ZNF165: variants seen among roughly 807,000 people sequenced by gnomAD.
The protein encoded by ZNF165 is cancer/testis antigen 53.
In ZNF165, 14 loss-of-function variants were observed where a neutral mutation model predicts 19.6. The observed-to-expected ratio is 0.71, with a 90% CI of 0.47 to 1.12. ZNF165 has a LOEUF of 1.12. ZNF165 is among the 50% of genes most tolerant of loss of function. The pLI is 0.00. For missense variants in ZNF165, 504 were observed against 566.3 expected, an observed-to-expected ratio of 0.89 and a Z score of 1.12; for synonymous variants, 165 against 195.0, an observed-to-expected ratio of 0.85 and a Z score of 1.28.
In ZNF165 at chr6:28,089,379, A is replaced by G; in HGVS notation, c.1367A>G (p.Tyr456Cys). 2 of 1,614,216 alleles carry G rather than the reference A, an allele frequency of 1.2e-6. No individual in the cohort carries two copies. Among genetic ancestry groups the G allele is most frequent in the Non-Finnish European group, 1.7e-6 (2 of 1,180,032 alleles). The change falls in exon 4 of 4, where the codon TAT (tyrosine) becomes TGT (cysteine). Residue 456 changes from tyrosine to cysteine, a missense_variant. Coordinates refer to ENST00000683778, the MANE Select transcript of ZNF165 (RefSeq NM_001376491.1). Reference protein sequence around the residue: ...HFRIHTGEKPYECSECGRAFS... With the variant: ...HFRIHTGEKPCECSECGRAFS... ...AGAATTCACACTGGAGAAAAACCCTATGAATGCAGTGAGTGTGGAAGAGCC... is the reference window on the plus strand; with the variant it reads ...AGAATTCACACTGGAGAAAAACCCTGTGAATGCAGTGAGTGTGGAAGAGCC...
chr6:28,087,584 G>T (rs1764306549), intron 3 of ZNF165, among the ~76,000 whole-genome samples: 1 of 152,122 alleles, frequency 6.6e-6, no homozygotes, highest in Non-Finnish European at 1.5e-5. Context: ...TCTGCCTTCA[G>T]TTTTGTTCTG....
At chr6:28,086,724 AAGAG>A (rs891116269) in intron 3 of ZNF165, among the ~76,000 whole-genome samples, 4 of 152,126 alleles carry the variant, frequency 2.6e-5, no homozygotes, top group African/African-American at 7.2e-5. Flanking sequence ...GGAAAAAAAA[AAGAG>A]AGAGAGAACT....
In ZNF165 at chr6:28,085,799, G is replaced by T; in HGVS notation, c.319G>T (p.Ala107Ser). ...GACCATCCTGCCAGGAGATTTGCAG[G>T]CCTGGGTACATGAACATTACCCAGA... ...FLTILPGDLQ[A>S]WVHEHYPESG... Residue 107 changes from alanine (A) to serine (S), a missense_variant, in exon 2 of 4, where the codon GCC becomes TCC. Ala to Ser is a moderately conservative substitution (Grantham distance 99). Coordinates refer to ENST00000683778, the MANE Select transcript of ZNF165 (RefSeq NM_001376491.1). 1 of 1,613,804 alleles carries T rather than the reference G, an allele frequency of 6.2e-7. No individual in the cohort carries two copies. The highest frequency in any genetic ancestry group is 8.5e-7 in the Non-Finnish European group (1 of 1,180,034).
At chr6:28,085,978 G>C in intron 2 of ZNF165, 87 bp downstream of exon 2, 12 of 1,550,406 alleles carry the variant, frequency 7.7e-6, no homozygotes, top group Non-Finnish European at 1.0e-5. Context: ...TATCTAGCTT[G>C]CAGGAGCTGT....
chr6:28,083,224 T>A (rs1017693150), intron 1 of ZNF165, among the ~76,000 whole-genome samples: 3 of 152,228 alleles, frequency 2.0e-5, no homozygotes, highest in Non-Finnish European at 2.9e-5. Context: ...TTTCTCATCC[T>A]TTATTGTCCA....
At position 28,089,125 on chromosome 6, in the gene ZNF165, C is replaced by T. The variant is rs776448298; in HGVS notation, c.1113C>T (p.Cys371=). Residue 371 remains cysteine, a synonymous_variant, in exon 4 of 4, where the codon TGC becomes TGT. Transcript: ENST00000683778. ...RHQRIHTGER[C]YECNECGKSF... The stretch of plus-strand genomic sequence containing the variant: ...AGAGAATCCACACTGGAGAGAGATG[C>T]TATGAATGTAATGAATGTGGGAAAA... 9.9e-6 allele frequency: 16 copies of T among 1,614,016 alleles called. No homozygotes were observed. In the African/African-American group the frequency reaches 2.0e-4, roughly 20 times the overall value.
Position 28,088,828 on chromosome 6 carries a change from C to T in ZNF165, c.816C>T (p.His272=), listed in dbSNP as rs768703942. 3.0e-5 allele frequency: 48 copies of T among 1,614,032 alleles called. No homozygotes were observed. The highest frequency in any genetic ancestry group is 3.9e-5 in the Non-Finnish European group (46 of 1,180,042). ...CAGTCAGAGGTGAAATAATAAGCCA[C>T]GATGGATGTGAGAGGAGATTAAATC... ...KNTVRGEIIS[H]DGCERRLNLN... Residue 272 remains histidine (H), a synonymous_variant, in exon 4 of 4, where the codon CAC becomes CAT. Transcript: ENST00000683778.
At position 28,080,677 on chromosome 6, in the gene ZNF165, GCCACC is replaced by G. The variant is rs1764130754; in HGVS notation, c.-293_-289del. 6.6e-6 allele frequency: 1 copy of G among 151,864 alleles called. No homozygotes were observed. The highest frequency in any genetic ancestry group is 2.4e-5 in the African/African-American group (1 of 41,238). 9.4% of individuals were successfully genotyped at this position (151,864 alleles called of 1,614,324 possible). ...CAAAGTGCTGGGACTGCAGGCGTGA[GCCACC>G]GCGCCCGGCCAACGTCATTTTCTTT... On this transcript the variant is annotated 5_prime_UTR_variant, in exon 1 of 4. Transcript: ENST00000683778.
At position 28,088,766 on chromosome 6, in the gene ZNF165, G is replaced by C. The variant is rs748623706; in HGVS notation, c.754G>C (p.Asp252His). 4 of 1,614,078 alleles carry C rather than the reference G, an allele frequency of 2.5e-6. No homozygotes were observed. Among genetic ancestry groups the C allele is most frequent in the Non-Finnish European group, 3.4e-6 (4 of 1,180,012 alleles). Residue 252 changes from aspartate (D) to histidine (H), a missense_variant, in exon 4 of 4, where the codon GAT (aspartate) becomes CAT (histidine). Asp to His is a moderately conservative substitution (Grantham distance 81). Transcript: ENST00000683778. ...GTCTCAGAGACTCTCGTCTGCCCAG[G>C]ATGAAGGTTTTGGTAAAATCCTCAC... Reference protein sequence around the residue: ...GESQRLSSAQDEGFGKILTHK... With the variant: ...GESQRLSSAQHEGFGKILTHK...
Position 28,088,754 on chromosome 6 carries a change from T to C in ZNF165, c.742T>C (p.Ser248Pro). 1 of 1,614,132 alleles carries C rather than the reference T, an allele frequency of 6.2e-7. No homozygotes were observed. Among genetic ancestry groups the C allele is most frequent in the Non-Finnish European group, 8.5e-7 (1 of 1,180,024 alleles). Residue 248 changes from serine (S) to proline (P), a missense_variant, in exon 4 of 4, where the codon TCG (serine) becomes CCG (proline). Transcript: ENST00000683778. ...EKESGESQRLSSAQDEGFGKI... is the reference protein window; with the variant it reads ...EKESGESQRLPSAQDEGFGKI... ...AGAATCAGGGGAGTCTCAGAGACTC[T>C]CGTCTGCCCAGGATGAAGGTTTTGG... is the stretch of plus-strand genomic sequence containing the variant.
chr6:28,085,046 T>A (rs1016876619), intron 1 of ZNF165, among the ~76,000 whole-genome samples: 1 of 152,240 alleles, frequency 6.6e-6, no homozygotes, highest in Non-Finnish European at 1.5e-5. Flanking sequence ...CAGAATTTCA[T>A]GTTTGCATTA....
At chr6:28,083,037 T>C (rs1197826428) in intron 1 of ZNF165, among the ~76,000 whole-genome samples, 1 of 152,202 alleles carries the variant, frequency 6.6e-6, no homozygotes, top group Non-Finnish European at 1.5e-5. Flanking sequence ...CAAGGACTTA[T>C]ATATTCATAT....
intron 3 of ZNF165, among the ~76,000 whole-genome samples, chr6:28,088,341 A>T (rs1764334232): frequency 6.6e-6 from 1 of 152,074 alleles, no homozygotes; most frequent in Admixed American, 6.6e-5. Context: ...TCTAATATAT[A>T]TGCTTCACGT....
rs1764204091 is a variant in ZNF165 at position 28,083,615 on chromosome 6, G to A, written c.1-1866G>A. 2.0e-5 allele frequency among the ~76,000 whole-genome samples: 3 copies of A among 152,260 alleles called. No homozygotes were observed. The South Asian group carries it at 6.2e-4, about 32-fold the overall frequency. On this transcript the variant is annotated intron_variant, in intron 1 of 3. Coordinates refer to ENST00000683778, the MANE Select transcript of ZNF165 (RefSeq NM_001376491.1). ...CAATAGGGGAACGACATAGCAGTAG[G>A]GACTACCTGCGTCAGAGATAAGAAC...
upstream of ZNF165, among the ~76,000 whole-genome samples, chr6:28,080,423 G>A (rs1764124943): frequency 6.6e-6 from 1 of 152,006 alleles, no homozygotes; most frequent in Admixed American, 6.5e-5. Flanking sequence ...TGTCACCCAA[G>A]CTGGAGTGCA....
rs772918276 is a variant in ZNF165 at position 28,086,240 on chromosome 6, T to C, written c.480T>C (p.Asn160=). Residue 160 remains asparagine, a synonymous_variant, in exon 3 of 4, where the codon AAT becomes AAC. Coordinates refer to ENST00000683778, the MANE Select transcript of ZNF165 (RefSeq NM_001376491.1). The part of the protein sequence containing the change: ...KKVSPPGPAL[N]VKLQPVETKA... ...TGTCACCTCCTGGACCAGCACTTAATGTCAAGTTACAGCCAGTGGAGACCA... is the reference window on the plus strand; with the variant it reads ...TGTCACCTCCTGGACCAGCACTTAACGTCAAGTTACAGCCAGTGGAGACCA... The C allele has an allele frequency of 3.7e-6, 6 of 1,614,120 alleles. No homozygotes were observed. The African/African-American group carries it at 4.0e-5, about 11-fold the overall frequency.
chr6:28,089,121 G>C lies in ZNF165; in HGVS notation c.1109G>C (p.Arg370Thr). 6.2e-7 allele frequency: 1 copy of C among 1,614,186 alleles called. No homozygotes were observed. Among genetic ancestry groups the C allele is most frequent in the Non-Finnish European group, 8.5e-7 (1 of 1,180,002 alleles). The stretch of plus-strand genomic sequence containing the variant: ...CATCAGAGAATCCACACTGGAGAGA[G>C]ATGCTATGAATGTAATGAATGTGGG... ...ARHQRIHTGE[R>T]CYECNECGKS... Residue 370 changes from arginine (R) to threonine (T), a missense_variant, in exon 4 of 4, where the codon AGA (arginine) becomes ACA (threonine). Transcript: ENST00000683778.
chr6:28,083,675 A>G (rs991207745), intron 1 of ZNF165, among the ~76,000 whole-genome samples: 4 of 152,170 alleles, frequency 2.6e-5, no homozygotes, highest in Admixed American at 2.6e-4. Context: ...TGCTCTCACC[A>G]TTGCTCCATC....
chr6:28,086,734 G>A (rs1237012637), intron 3 of ZNF165, among the ~76,000 whole-genome samples: 3 of 151,998 alleles, frequency 2.0e-5, no homozygotes, highest in Non-Finnish European at 2.9e-5. Flanking sequence ...AAGAGAGAGA[G>A]AACTTGTTTT....
Sources: gnomAD v4.1 joint callset for allele counts (sites outside exome capture counted in the v4.1 genomes callset) on GRCh38, gnomAD v4.1.1 for gene constraint, MANE v1.5 for transcripts, NCBI Gene and HGNC (gene_info 2026-07-23, HGNC 2026-07-21) for gene names.